The following NSG1 variants were observed in gnomAD, a reference collection of about 807,000 sequenced individuals.
The protein encoded by NSG1 is neuronal vesicle trafficking associated 1.
NSG1 carries 9 observed loss-of-function variants against 19.3 expected under a neutral mutation model. The ratio of observed to expected loss-of-function variants is 0.47; its 90% CI spans 0.28 to 0.81. NSG1 has a LOEUF of 0.81. Among genes scored for constraint, NSG1 ranks in the 40% least tolerant of loss-of-function variants. The pLI is 0.11. For missense variants in NSG1, 236 were observed against 242.4 expected, an observed-to-expected ratio of 0.97 and a Z score of 0.18; for synonymous variants, 104 against 107.0, an observed-to-expected ratio of 0.97 and a Z score of 0.17.
chr4:4,394,510 TCCATTGGTGTGGC>T (rs1723155069), intron 3 of NSG1, among the ~76,000 whole-genome samples: 1 of 152,092 alleles, frequency 6.6e-6, no homozygotes. Context: ...CCTGGCAAGG[TCCATTGGTGTGGC>T]CCTTCCAAGC....
intron 4 of NSG1, among the ~76,000 whole-genome samples, chr4:4,410,445 G>A (rs1406943434): frequency 6.6e-6 from 1 of 152,214 alleles, no homozygotes; most frequent in East Asian, 1.9e-4. Context: ...GCCTCACAGA[G>A]TGTCCTGTAC....
chr4:4,403,810 C>T (rs957990830), intron 3 of NSG1, among the ~76,000 whole-genome samples: 3 of 152,168 alleles, frequency 2.0e-5, no homozygotes, highest in Admixed American at 6.5e-5. Flanking sequence ...AAATGCTGAC[C>T]AGAGTGCAGA....
chr4:4,412,936 C>T (rs966986740), intron 4 of NSG1, among the ~76,000 whole-genome samples: 6 of 152,082 alleles, frequency 3.9e-5, no homozygotes, highest in Admixed American at 2.0e-4. Context: ...GATATGAGGA[C>T]GCAGAGAGTC....
intron 1 of NSG1, 122 bp from the exon 2 acceptor site, chr4:4,387,482 G>T: frequency 1.5e-6 from 1 of 651,360 alleles, no homozygotes; most frequent in Non-Finnish European, 2.7e-6. Context: ...AGCCCTCCCC[G>T]AGACGAAGCG....
intron 4 of NSG1, among the ~76,000 whole-genome samples, chr4:4,413,965 C>T (rs1351289966): frequency 6.6e-6 from 1 of 151,880 alleles, no homozygotes; most frequent in Non-Finnish European, 1.5e-5. Flanking sequence ...AGAGGGAGCA[C>T]GGGCAGGCCC....
intron 3 of NSG1, among the ~76,000 whole-genome samples, chr4:4,406,931 C>T (rs1392828974): frequency 6.6e-6 from 1 of 152,222 alleles, no homozygotes; most frequent in African/African-American, 2.4e-5. Flanking sequence ...GACGGCTGCG[C>T]CTTCTTTCTC....
At chr4:4,400,309 G>A (rs907544398) in intron 3 of NSG1, among the ~76,000 whole-genome samples, 2 of 152,076 alleles carry the variant, frequency 1.3e-5, no homozygotes, top group East Asian at 3.8e-4. Context: ...ATTGTATTAC[G>A]TGGATTTATA....
At chr4:4,409,715 G>GGGA in intron 4 of NSG1, 32 bp downstream of exon 4, 1 of 1,550,238 alleles carries the variant, frequency 6.5e-7, no homozygotes, top group Non-Finnish European at 8.9e-7. Context: ...GAGGCCCTGG[G>GGGA]ACGCCTTTGC....
intron 3 of NSG1, among the ~76,000 whole-genome samples, chr4:4,394,631 ACT>A (rs2108728807): frequency 6.6e-6 from 1 of 152,046 alleles, no homozygotes; most frequent in African/African-American, 2.4e-5. Context: ...ATGCTTAGGG[ACT>A]CTTTGTGCAG....
chr4:4,398,669 AT>A (rs1470497899), intron 3 of NSG1, among the ~76,000 whole-genome samples: 1 of 152,146 alleles, frequency 6.6e-6, no homozygotes, highest in African/African-American at 2.4e-5. Flanking sequence ...GATAGACCAC[AT>A]TTTGTTTATT....
chr4:4,393,572 G>A (rs568104298), intron 3 of NSG1, among the ~76,000 whole-genome samples: 9 of 152,226 alleles, frequency 5.9e-5, no homozygotes, highest in African/African-American at 1.4e-4. Flanking sequence ...CTGAGAAGGC[G>A]ATGTATGCAG....
At chr4:4,394,991 G>C (rs952388349) in intron 3 of NSG1, among the ~76,000 whole-genome samples, 3 of 152,246 alleles carry the variant, frequency 2.0e-5, no homozygotes, top group Non-Finnish European at 4.4e-5. Context: ...GTAGGAGCTG[G>C]GCAGCCGGCT....
At chr4:4,392,347 C>G (rs1246539208) in intron 3 of NSG1, among the ~76,000 whole-genome samples, 2 of 152,120 alleles carry the variant, frequency 1.3e-5, no homozygotes, top group Non-Finnish European at 2.9e-5. Flanking sequence ...AAAGCGGTAG[C>G]CTCATCCAGA....
intron 3 of NSG1, among the ~76,000 whole-genome samples, chr4:4,407,998 C>T (rs893452121): frequency 1.2e-4 from 18 of 152,254 alleles, no homozygotes; most frequent in South Asian, 6.2e-4. Flanking sequence ...CCATGCTGCA[C>T]GGCTGATAGG....
intron 3 of NSG1, among the ~76,000 whole-genome samples, chr4:4,400,692 A>C (rs1210992529): frequency 6.6e-6 from 1 of 152,196 alleles, no homozygotes; most frequent in African/African-American, 2.4e-5. Flanking sequence ...TAAACCACAG[A>C]GGTATTAGTA....
At chr4:4,402,186 C>G (rs1429800084) in intron 3 of NSG1, among the ~76,000 whole-genome samples, 2 of 148,136 alleles carry the variant, frequency 1.4e-5, no homozygotes, top group East Asian at 2.0e-4. Context: ...CAGCACCCAG[C>G]CTGGTTTCTT....
At chr4:4,411,677 G>C (rs1724188321) in intron 4 of NSG1, among the ~76,000 whole-genome samples, 1 of 152,160 alleles carries the variant, frequency 6.6e-6, no homozygotes, top group South Asian at 2.1e-4. Flanking sequence ...CCAGAAGGCG[G>C]AGGTTGCAGT....
chr4:4,402,217 T>TG (rs1296522480), intron 3 of NSG1, among the ~76,000 whole-genome samples: 1 of 150,496 alleles, frequency 6.6e-6, no homozygotes, highest in African/African-American at 2.4e-5. Flanking sequence ...TTGATTTTTT[T>TG]TTTTTTCGAG....
chr4:4,393,977 A>G (rs13128917), intron 3 of NSG1, among the ~76,000 whole-genome samples: 78,691 of 151,814 alleles, frequency 0.52, 22,274 homozygotes, highest in East Asian at 0.66. Flanking sequence ...CTGCAATGGC[A>G]TCTAACAGTG....
Sources: allele counts gnomAD v4.1 joint callset (sites outside exome capture counted in the v4.1 genomes callset), GRCh38; gene constraint gnomAD v4.1.1; transcripts MANE v1.5; gene names NCBI Gene and HGNC (gene_info 2026-07-23, HGNC 2026-07-21).